The following KLHL1 variants were observed in gnomAD, a reference collection of about 807,000 sequenced individuals.
KLHL1 encodes the protein kelch like family member 1.
A neutral mutation model predicts 77.7 loss-of-function variants in KLHL1; 47 were observed. The ratio of observed to expected loss-of-function variants is 0.60; its 90% CI spans 0.48 to 0.77. The LOEUF is 0.77. Among genes scored for constraint, KLHL1 ranks in the 30% least tolerant of loss-of-function variants. The probability of loss-of-function intolerance (pLI) is 0.00; values close to 1 mark genes in which losing one functional copy is unlikely to be tolerated. For synonymous variants in KLHL1, 360 were observed against 325.2 expected (o/e 1.11, Z -1.15); for missense variants, 925 against 910.8 (o/e 1.02, Z -0.20).
chr13:70,003,326 A>C (rs2137328205), intron 1 of KLHL1, among the ~76,000 whole-genome samples: 1 of 151,920 alleles, frequency 6.6e-6, no homozygotes, highest in South Asian at 2.1e-4. Context: ...AAAAGTGGAT[A>C]CTTTTTTCAC....
chr13:70,052,889 T>G (rs1030758188), intron 1 of KLHL1, among the ~76,000 whole-genome samples: 1 of 152,064 alleles, frequency 6.6e-6, no homozygotes, highest in African/African-American at 2.4e-5. Context: ...ATTTATTATT[T>G]TATTCCTTAC....
intron 7 of KLHL1, among the ~76,000 whole-genome samples, chr13:69,746,185 ATAAT>A (rs760466570): frequency 4.0e-4 from 61 of 151,812 alleles, no homozygotes; most frequent in Non-Finnish European, 6.3e-4. Flanking sequence ...ATATTTATAA[ATAAT>A]TGTCATAATA....
At chr13:69,996,100 T>C (rs923313238) in intron 1 of KLHL1, among the ~76,000 whole-genome samples, 3 of 151,990 alleles carry the variant, frequency 2.0e-5, no homozygotes, top group Admixed American at 1.3e-4. Flanking sequence ...GTCAGGAGAC[T>C]GAGACCATCC....
chr13:69,943,267 T>C (rs1056761491), intron 3 of KLHL1, among the ~76,000 whole-genome samples: 2 of 151,936 alleles, frequency 1.3e-5, no homozygotes, highest in Non-Finnish European at 2.9e-5. Context: ...TAAAGAAGAA[T>C]TTGTTGGATG....
In KLHL1 at chr13:69,948,653, T is replaced by A. The variant is rs933879463; in HGVS notation, c.818-8417A>T. Among the ~76,000 whole-genome samples, 8 of 152,094 alleles carry A rather than the reference T, an allele frequency of 5.3e-5. No homozygotes were observed. In the East Asian group the frequency reaches 1.5e-3, roughly 29 times the overall value. ...ATAAGATATTTGAATTTATACTGCA[T>A]TGACATAAAAATATGTAAAATAGAA... On this transcript the variant is annotated intron_variant, in intron 3 of 10. Transcript: ENST00000377844.
At chr13:69,803,554 C>T (rs1241318587) in intron 6 of KLHL1, among the ~76,000 whole-genome samples, 2 of 152,140 alleles carry the variant, frequency 1.3e-5, no homozygotes, top group African/African-American at 2.4e-5. Context: ...AGTCCATGAA[C>T]GGCTACGCTA....
At chr13:69,860,425 C>T (rs1424315) in intron 5 of KLHL1, among the ~76,000 whole-genome samples, 136,289 of 151,960 alleles carry the variant, frequency 0.9, 61,182 homozygotes, top group African/African-American at 0.93. Context: ...TTTTAAAAAA[C>T]GAGCAAATTT....
At chr13:69,733,317 A>G (rs1873630324) in intron 8 of KLHL1, among the ~76,000 whole-genome samples, 1 of 152,174 alleles carries the variant, frequency 6.6e-6, no homozygotes, top group South Asian at 2.1e-4. Flanking sequence ...AATTTTAAAA[A>G]TACAAGGCAG....
chr13:69,726,065 C>T (rs1185147897), intron 8 of KLHL1, among the ~76,000 whole-genome samples: 1 of 152,026 alleles, frequency 6.6e-6, no homozygotes, highest in Admixed American at 6.6e-5. Context: ...TAATCTGTAT[C>T]CTATGTATAG....
rs945469675 is a variant in KLHL1, at chr13:69,700,974, A to G, written c.*728T>C. The G allele has an allele frequency of 1.3e-5, 2 of 152,360 alleles. No homozygotes were observed. Among genetic ancestry groups the G allele is most frequent in the African/African-American group, 4.8e-5 (2 of 41,440 alleles). The allele number at this position is 152,360 out of a possible 1,614,324, so 9.4% of individuals were successfully genotyped here. On this transcript the variant is annotated 3_prime_UTR_variant, in exon 11 of 11. Transcript: ENST00000377844. ...AATAATTACACTGCATCTTTGGCTC[A>G]GTGTGTTAAAAAAGCAAAGCAAAAT...
chr13:70,041,745 G>A (rs1886384270), intron 1 of KLHL1, among the ~76,000 whole-genome samples: 1 of 152,048 alleles, frequency 6.6e-6, no homozygotes, highest in Non-Finnish European at 1.5e-5. Context: ...GGTGGGCCTA[G>A]AAATCCAGGT....
rs552510572 is a variant in KLHL1, at chr13:69,900,046, A to G, written c.1015-17551T>C. On this transcript the variant is annotated intron_variant, in intron 4 of 10. Transcript: ENST00000377844. ...TATGGCACACCTCTTTAGGAGAGAT[A>G]AGCCAGCTGTTGGAAGTAAACTACA... Among the ~76,000 whole-genome samples, 6 of 152,242 alleles carry G rather than the reference A, an allele frequency of 3.9e-5. No individual in the cohort carries two copies. The South Asian group carries it at 1.2e-3, about 32-fold the overall frequency.
rs77727399 is a variant in KLHL1, at chr13:70,034,285, C to T, written c.498-58483G>A. Among the ~76,000 whole-genome samples the T allele has an allele frequency of 2.5e-3, 382 of 152,300 alleles. 1 individual carries two copies. The highest frequency in any genetic ancestry group is 8.2e-3 in the African/African-American group (341 of 41,562). ...TATTCACACAACTGACGAATTTTGA[C>T]TGTAGAAAGTACTCTACTATTGAAT... On this transcript the variant is annotated intron_variant, in intron 1 of 10. Transcript: ENST00000377844.
chr13:69,954,839 T>A (rs541227657), intron 3 of KLHL1, among the ~76,000 whole-genome samples: 2 of 151,042 alleles, frequency 1.3e-5, no homozygotes, highest in East Asian at 1.9e-4. Context: ...TATATATGCA[T>A]AAATGAAACA....
intron 1 of KLHL1, among the ~76,000 whole-genome samples, chr13:69,999,174 T>G (rs918381191): frequency 1.3e-5 from 2 of 152,120 alleles, no homozygotes; most frequent in African/African-American, 2.4e-5. Context: ...GTACATGTAT[T>G]ATATAATGTA....
At chr13:69,912,762 T>C (rs1439849585) in intron 4 of KLHL1, among the ~76,000 whole-genome samples, 1 of 152,066 alleles carries the variant, frequency 6.6e-6, no homozygotes, top group Admixed American at 6.5e-5. Context: ...TCGTCTAGCC[T>C]TTTCTTTTTT....
intron 1 of KLHL1, among the ~76,000 whole-genome samples, chr13:70,018,959 T>C (rs1334476713): frequency 6.6e-6 from 1 of 152,224 alleles, no homozygotes; most frequent in Non-Finnish European, 1.5e-5. Flanking sequence ...AATGGAGATA[T>C]CTGCTAATCA....
At chr13:69,749,938 TAAC>T (rs1430210440) in intron 7 of KLHL1, among the ~76,000 whole-genome samples, 1 of 151,926 alleles carries the variant, frequency 6.6e-6, no homozygotes, top group Non-Finnish European at 1.5e-5. Context: ...TGCAAAATAA[TAAC>T]AATGAAAAGC....
intron 1 of KLHL1, among the ~76,000 whole-genome samples, chr13:70,070,641 GATA>G (rs1017897456): frequency 1.3e-5 from 2 of 151,950 alleles, no homozygotes; most frequent in African/African-American, 2.4e-5. Context: ...AAATCATACA[GATA>G]ATAAATTCAG....
Sources: allele counts gnomAD v4.1 joint callset (sites outside exome capture counted in the v4.1 genomes callset), GRCh38; gene constraint gnomAD v4.1.1; transcripts MANE v1.5; gene names NCBI Gene and HGNC (gene_info 2026-07-23, HGNC 2026-07-21).